The following NVL variants were observed in gnomAD, a reference collection of about 807,000 sequenced individuals.
The protein encoded by NVL is nuclear valosin-containing protein-like.
NVL carries 84 observed loss-of-function variants against 110.2 expected under a neutral mutation model. That is an observed-to-expected ratio of 0.76 (90% CI 0.64 to 0.91). The LOEUF (loss-of-function observed/expected upper bound fraction) is 0.91, where lower values mean the gene tolerates loss of function less well. Ranked by LOEUF, NVL falls within the 40% of genes least tolerant of loss-of-function variation. The probability of loss-of-function intolerance (pLI) is 0.00; values close to 1 mark genes in which losing one functional copy is unlikely to be tolerated. For missense variants in NVL, 882 were observed against 1,035.9 expected, an observed-to-expected ratio of 0.85 and a Z score of 2.04; for synonymous variants, 354 against 361.1, an observed-to-expected ratio of 0.98 and a Z score of 0.22.
chr1:224,289,287 T>C, intron 13 of NVL, 197 bp downstream of exon 13: 2 of 552,578 alleles, frequency 3.6e-6, no homozygotes, highest in Non-Finnish European at 6.0e-6. Flanking sequence ...AAAATGAATT[T>C]ATTAAAATAA....
At position 224,304,742 on chromosome 1, in the gene NVL, T is replaced by C. The variant is rs368734168; in HGVS notation, c.819A>G (p.Thr273=). The change falls in exon 8 of 23, where the codon ACA becomes ACG. Residue 273 remains threonine, a synonymous_variant. Transcript: ENST00000281701. ...ATTCAGAATTTGCACTAACTTTTAA[T>C]GTCATATCATTGCCTCCCACATCTT... ...KFEDVGGNDM[T]LKEVCKMLIH... is the part of the protein sequence containing the mutation. The C allele has an allele frequency of 2.5e-6, 4 of 1,613,388 alleles. No homozygotes were observed. The highest frequency in any genetic ancestry group is 1.1e-5 in the South Asian group (1 of 91,060).
At position 224,265,327 on chromosome 1, in the gene NVL, A is replaced by C. The variant is rs183082805; in HGVS notation, c.2182+2707T>G. Among the ~76,000 whole-genome samples the C allele has an allele frequency of 4.7e-3, 718 of 151,872 alleles. 10 individuals are homozygous for C. The highest frequency in any genetic ancestry group is 5.1e-3 in the Non-Finnish European group (345 of 67,946). On this transcript the variant is annotated intron_variant, in intron 18 of 22. Coordinates refer to ENST00000281701, the MANE Select transcript of NVL (RefSeq NM_002533.4). ...GAGACCAGGCTGGCCAGCATGGTGA[A>C]ACCCTGTCTCTACTAAAAATACAAA...
rs60297397 is a variant in NVL at position 224,259,822 on chromosome 1, CT to C, written c.2182+8211del. 3.6e-3 allele frequency among the ~76,000 whole-genome samples: 493 copies of C among 135,276 alleles called. 2 individuals carry two copies. Among genetic ancestry groups the C allele is most frequent in the Middle Eastern group, 7.7e-3 (2 of 260 alleles). 88.7% of individuals were successfully genotyped at this position (135,276 alleles called of 152,430 possible). A position where few individuals can be genotyped will look rare whatever the true frequency, so the allele number is the denominator to read the frequency against. On this transcript the variant is annotated intron_variant, in intron 18 of 22. Coordinates refer to ENST00000281701, the MANE Select transcript of NVL (RefSeq NM_002533.4). Reference sequence around the variant, plus strand: ...GGTGTGTGCCACCATACCCAGCTAACTTTTTTTTTTTTTTTTTGTATTTTTA... The same window carrying C: ...GGTGTGTGCCACCATACCCAGCTAACTTTTTTTTTTTTTTTTGTATTTTTA...
At chr1:224,274,955 T>A (rs1665606906) in intron 17 of NVL, among the ~76,000 whole-genome samples, 1 of 152,228 alleles carries the variant, frequency 6.6e-6, no homozygotes, top group South Asian at 2.1e-4. Context: ...GTTAATAACC[T>A]GACCCTATTT....
intron 21 of NVL, 30 bp from the exon 22 acceptor site, chr1:224,231,326 C>G (rs1659855356): frequency 2.6e-6 from 4 of 1,556,964 alleles, no homozygotes; most frequent in Non-Finnish European, 3.5e-6. Context: ...ATATACACAT[C>G]TCAGTATCGT....
intron 15 of NVL, among the ~76,000 whole-genome samples, chr1:224,282,026 G>A (rs1358554247): frequency 6.7e-6 from 1 of 149,202 alleles, no homozygotes; most frequent in Non-Finnish European, 1.5e-5. Context: ...GGAAATAAAC[G>A]TTAATGTGTT....
At chr1:224,279,087 T>C (rs1392752716) in intron 16 of NVL, among the ~76,000 whole-genome samples, 1 of 152,086 alleles carries the variant, frequency 6.6e-6, no homozygotes, top group East Asian at 1.9e-4. Flanking sequence ...TCTGGGTATA[T>C]ACCCTAAGGG....
intron 16 of NVL, among the ~76,000 whole-genome samples, chr1:224,278,113 AC>A (rs1665947204): frequency 6.6e-6 from 1 of 152,020 alleles, no homozygotes; most frequent in Non-Finnish European, 1.5e-5. Flanking sequence ...CTTCAGATTC[AC>A]ATTTCCTACT....
intron 18 of NVL, among the ~76,000 whole-genome samples, chr1:224,266,946 G>GT (rs1664555246): frequency 1.3e-5 from 2 of 152,206 alleles, no homozygotes; most frequent in African/African-American, 4.8e-5. Flanking sequence ...GCAAGATAAA[G>GT]TAATATAGTC....
chr1:224,267,934 G>T, intron 18 of NVL, 100 bp downstream of exon 18: 1 of 768,020 alleles, frequency 1.3e-6, no homozygotes, highest in South Asian at 1.8e-5. Flanking sequence ...GTTTATAAAT[G>T]CTACTAGTTT....
intron 19 of NVL, among the ~76,000 whole-genome samples, chr1:224,246,933 T>A (rs1661896255): frequency 6.6e-6 from 1 of 151,092 alleles, no homozygotes; most frequent in South Asian, 2.1e-4. Flanking sequence ...CCCAGCTGCG[T>A]GGGGAGGCTG....
chr1:224,293,298 T>C (rs771146024), intron 12 of NVL, among the ~76,000 whole-genome samples: 5 of 146,224 alleles, frequency 3.4e-5, no homozygotes, highest in Non-Finnish European at 7.5e-5. Flanking sequence ...CTCAATCTCC[T>C]GACCTCGTGA....
chr1:224,245,606 T>C (rs1661715463), intron 19 of NVL, among the ~76,000 whole-genome samples: 2 of 152,144 alleles, frequency 1.3e-5, no homozygotes, highest in Admixed American at 6.5e-5. Context: ...CCTTCTGCCG[T>C]TGGCACAGAC....
intron 13 of NVL, 48 bp from the exon 14 acceptor site, chr1:224,288,041 G>T: frequency 1.4e-6 from 2 of 1,384,996 alleles, no homozygotes; most frequent in Non-Finnish European, 2.0e-6. Flanking sequence ...CACCACAACA[G>T]CTATTGAAAA....
intron 9 of NVL, 149 bp downstream of exon 9, chr1:224,303,574 A>G: frequency 1.5e-6 from 1 of 668,252 alleles, no homozygotes. Context: ...CACAAATAAT[A>G]CCAGCATGAT....
intron 18 of NVL, 75 bp from the exon 19 acceptor site, chr1:224,250,393 C>T (rs1448824275): frequency 1.7e-5 from 22 of 1,306,256 alleles, no homozygotes; most frequent in Middle Eastern, 5.7e-4. Flanking sequence ...GAGAGAGGGT[C>T]TTGTTCCATC....
chr1:224,248,742 T>A (rs1398191013), intron 19 of NVL, among the ~76,000 whole-genome samples: 1 of 152,180 alleles, frequency 6.6e-6, no homozygotes, highest in Non-Finnish European at 1.5e-5. Flanking sequence ...GAAGGTAAGT[T>A]AACAAAATCT....
At chr1:224,281,391 C>T (rs2102594851) in intron 15 of NVL, among the ~76,000 whole-genome samples, 1 of 151,828 alleles carries the variant, frequency 6.6e-6, no homozygotes, top group South Asian at 2.1e-4. Flanking sequence ...AACTCTGCCT[C>T]CCGGGTTGAC....
rs765354087 is a variant in NVL, at chr1:224,308,113, G to T, written c.493C>A (p.Pro165Thr). 6.2e-7 allele frequency: 1 copy of T among 1,613,648 alleles called. No individual in the cohort carries two copies. Among genetic ancestry groups the T allele is most frequent in the Non-Finnish European group, 8.5e-7 (1 of 1,179,874 alleles). ...SKTGSIPLKT[P>T]AKDSEGGWFI... is the part of the protein sequence containing the mutation. ...CATCCTCCTTCAGAATCTTTGGCAG[G>T]GGTCTTCAAGGGAATGGAGCCTGTT... The change falls in exon 6 of 23, where the codon CCT becomes ACT. Residue 165 changes from proline (P) to threonine (T), a missense_variant. Around this residue, in one of 4 missense-constraint regions of NVL, gnomAD observed 274 missense variants for 268.4 expected, o/e 1.02. Coordinates refer to ENST00000281701, the MANE Select transcript of NVL (RefSeq NM_002533.4).
Sources: gnomAD v4.1 joint callset for allele counts (sites outside exome capture counted in the v4.1 genomes callset) on GRCh38, gnomAD v4.1.1 for gene constraint, gnomAD v4.1.1 regional missense constraint, MANE v1.5 for transcripts, NCBI Gene and HGNC (gene_info 2026-07-23, HGNC 2026-07-21) for gene names.